Variants in CFTR observed in about 807,000 individuals in gnomAD.
CFTR encodes the protein CF transmembrane conductance regulator, also known as cystic fibrosis transmembrane conductance regulator.
In CFTR, 181 loss-of-function variants were observed where a neutral mutation model predicts 171.6. The observed-to-expected ratio is 1.05, with a 90% CI of 0.93 to 1.19. The LOEUF is 1.19. CFTR is among the 50% of genes most tolerant of loss of function. The probability of loss-of-function intolerance (pLI) is 0.00; values close to 1 mark genes in which losing one functional copy is unlikely to be tolerated. For synonymous variants in CFTR, 583 were observed against 608.0 expected (o/e 0.96, Z 0.60); for missense variants, 1,968 against 1,734.7 (o/e 1.13, Z -2.39).
chr7:117,645,902 T>C (rs1425622610), intron 23 of CFTR, among the ~76,000 whole-genome samples: 3 of 152,102 alleles, frequency 2.0e-5, no homozygotes, highest in Non-Finnish European at 4.4e-5. Flanking sequence ...AAGAATGTAA[T>C]AGAAATGCTA....
intron 3 of CFTR, among the ~76,000 whole-genome samples, chr7:117,526,045 G>A (rs1231076873): frequency 4.7e-5 from 7 of 149,888 alleles, no homozygotes; most frequent in Non-Finnish European, 8.9e-5. Flanking sequence ...CAGGTTTAGC[G>A]CTTCCTTCAG....
intron 1 of CFTR, 32 bp downstream of exon 1, chr7:117,480,179 A>G: frequency 6.2e-7 from 1 of 1,610,120 alleles, no homozygotes; most frequent in Non-Finnish European, 8.5e-7. Context: ...CTTCGGAAAG[A>G]CACGTGCCCA....
intron 2 of CFTR, among the ~76,000 whole-genome samples, chr7:117,504,830 T>TAAAAGAA (rs1417335161): frequency 6.6e-6 from 1 of 150,794 alleles, no homozygotes; most frequent in Non-Finnish European, 1.5e-5. Context: ...AATAAAATCA[T>TAAAAGAA]AAAAGAAAAA....
At chr7:117,601,385 A>G (rs2116055881) in intron 15 of CFTR, among the ~76,000 whole-genome samples, 1 of 152,256 alleles carries the variant, frequency 6.6e-6, no homozygotes, top group Non-Finnish European at 1.5e-5. Flanking sequence ...AAAAGTAGGA[A>G]AGTGAGAAAA....
intron 10 of CFTR, among the ~76,000 whole-genome samples, chr7:117,553,190 G>A (rs938627347): frequency 6.6e-6 from 1 of 151,688 alleles, no homozygotes; most frequent in African/African-American, 2.4e-5. Flanking sequence ...AAGCCACACA[G>A]TTCATGGTAT....
At chr7:117,568,565 A>T (rs1791639676) in intron 11 of CFTR, among the ~76,000 whole-genome samples, 2 of 152,196 alleles carry the variant, frequency 1.3e-5, no homozygotes, top group African/African-American at 4.8e-5. Context: ...GCCAATTTTT[A>T]AAAATAATTT....
intron 1 of CFTR, among the ~76,000 whole-genome samples, chr7:117,501,795 A>C (rs1798336821): frequency 6.6e-6 from 1 of 150,858 alleles, no homozygotes; most frequent in Non-Finnish European, 1.5e-5. Flanking sequence ...AAAAAAAACA[A>C]AAAGCAAACA....
intron 3 of CFTR, among the ~76,000 whole-genome samples, chr7:117,528,116 A>G (rs1197445799): frequency 1.5e-5 from 2 of 133,880 alleles, no homozygotes; most frequent in Non-Finnish European, 3.2e-5. Context: ...TTCAAACTAT[A>G]CTACAAGGCT....
chr7:117,530,852 A>T (rs1211995781), intron 3 of CFTR, 47 bp from the exon 4 acceptor site: 3 of 1,279,704 alleles, frequency 2.3e-6, no homozygotes, highest in Non-Finnish European at 1.1e-6. Flanking sequence ...AGGGTATTTT[A>T]TGAGAAATAA....
intron 3 of CFTR, among the ~76,000 whole-genome samples, chr7:117,528,529 C>T (rs2116666072): frequency 1.0e-5 from 1 of 98,124 alleles, no homozygotes; most frequent in South Asian, 5.1e-4. Flanking sequence ...TCTAATTAAA[C>T]TAAAGAGCTT....
chr7:117,606,368 G>A (rs953476121), intron 17 of CFTR, among the ~76,000 whole-genome samples: 9 of 152,162 alleles, frequency 5.9e-5, no homozygotes, highest in Admixed American at 3.3e-4. Flanking sequence ...AAAGCAGGAT[G>A]AGTACCCACC....
intron 3 of CFTR, among the ~76,000 whole-genome samples, chr7:117,511,016 T>C (rs1253252672): frequency 2.0e-5 from 3 of 152,122 alleles, no homozygotes; most frequent in Admixed American, 6.5e-5. Flanking sequence ...CCTTTGACCC[T>C]TTCACCATAC....
intron 1 of CFTR, among the ~76,000 whole-genome samples, chr7:117,486,845 G>T (rs1043145445): frequency 4.4e-5 from 6 of 137,200 alleles, no homozygotes; most frequent in African/African-American, 1.3e-4. Context: ...GAAAAGATGA[G>T]CTGAAAGAGT....
intron 1 of CFTR, among the ~76,000 whole-genome samples, chr7:117,490,160 ATTTAC>A (rs1391726810): frequency 6.6e-6 from 1 of 151,946 alleles, no homozygotes; most frequent in African/African-American, 2.4e-5. Flanking sequence ...ATCTTAGGCA[ATTTAC>A]TTAATCTCTC....
Position 117,531,033 on chromosome 7 carries a change from GCTCC to G in CFTR, c.409_412del (p.Leu137TyrfsTer15), listed in dbSNP as rs397508671. The G allele has an allele frequency of 6.2e-7, 1 of 1,613,812 alleles. No homozygotes were observed. Among genetic ancestry groups the G allele is most frequent in the Non-Finnish European group, 8.5e-7 (1 of 1,179,868 alleles). On this transcript the variant is annotated frameshift_variant, in exon 4 of 27. Transcript: ENST00000003084. LOFTEE classifies it high-confidence loss of function. ...GCCTTCTCTTTATTGTGAGGACACT[GCTCC>G]TACACCCAGCCATTTTTGGCCTTCA... is the stretch of plus-strand genomic sequence containing the variant.
chr7:117,590,998 T>C (rs1355692631), intron 13 of CFTR, among the ~76,000 whole-genome samples: 1 of 152,000 alleles, frequency 6.6e-6, no homozygotes, highest in Non-Finnish European at 1.5e-5. Context: ...AGACAGTCAG[T>C]TATATGGCTT....
chr7:117,488,535 C>T (rs35778610), intron 1 of CFTR, among the ~76,000 whole-genome samples: 2,233 of 152,128 alleles, frequency 0.015, 55 homozygotes, highest in African/African-American at 0.051. Flanking sequence ...GAATATGCAT[C>T]TTTTAATGTG....
At chr7:117,551,187 AGG>A (rs1382640316) in intron 10 of CFTR, among the ~76,000 whole-genome samples, 1 of 152,190 alleles carries the variant, frequency 6.6e-6, no homozygotes, top group Non-Finnish European at 1.5e-5. Flanking sequence ...GTTGAATAAT[AGG>A]GGTTTGATTA....
chr7:117,595,146 A>T, intron 15 of CFTR, 88 bp downstream of exon 15: 1 of 930,618 alleles, frequency 1.1e-6, no homozygotes, highest in African/African-American at 1.8e-5. Context: ...CACACACATA[A>T]ATATGTATAT....
Sources: gnomAD v4.1 joint callset for allele counts (sites outside exome capture counted in the v4.1 genomes callset) on GRCh38, gnomAD v4.1.1 for gene constraint, MANE v1.5 for transcripts, NCBI Gene and HGNC (gene_info 2026-07-23, HGNC 2026-07-21) for gene names.